The following MYBPC1 variants were observed in gnomAD, a reference collection of about 807,000 sequenced individuals.
MYBPC1 encodes myosin-binding protein C, slow-type.
A neutral mutation model predicts 147.1 loss-of-function variants in MYBPC1; 52 were observed. The ratio of observed to expected loss-of-function variants is 0.35; its 90% confidence interval spans 0.28 to 0.45. The LOEUF (loss-of-function observed/expected upper bound fraction) is 0.45. Ranked by LOEUF, MYBPC1 falls within the 20% of genes least tolerant of loss-of-function variation. The pLI is 1.00. For missense variants in MYBPC1, 1,228 were observed against 1,440.3 expected (o/e 0.85, Z 2.39); for synonymous variants, 477 against 475.9 (o/e 1.00, Z -0.03).
Position 101,614,479 on chromosome 12 carries a change from ACT to A in MYBPC1, c.26-14_26-13del, listed in dbSNP as rs1885339362. On this transcript the variant is annotated splice_polypyrimidine_tract_variant and intron_variant, in intron 1 of 31. Coordinates refer to ENST00000361466, the MANE Select transcript of MYBPC1 (RefSeq NM_002465.4). ...GATAAATGAGCCTGACATTTCCATG[ACT>A]CTTTCCATTTCTAGAAAATGAAGTG... The A allele has an allele frequency of 1.2e-6, 2 of 1,613,560 alleles. No individual in the cohort carries two copies. Among genetic ancestry groups the A allele is most frequent in the South Asian group, 2.2e-5 (2 of 91,026 alleles).
rs755207584 is a variant in MYBPC1 at position 101,610,517 on chromosome 12, C to T, written c.26-3979C>T. On this transcript the variant is annotated intron_variant, in intron 1 of 31. Transcript: ENST00000361466. ...GTGGAGGAAGACATAAGTGTCTTTT[C>T]GTAGGTGTGTCCGAGTAAAAATGAT... 1.6e-3 allele frequency among the ~76,000 whole-genome samples: 243 copies of T among 148,672 alleles called. 1 individual carries two copies. The highest frequency in any genetic ancestry group is 4.0e-3 in the South Asian group (19 of 4,752).
At chr12:101,643,813 G>A (rs189036940) in intron 11 of MYBPC1, among the ~76,000 whole-genome samples, 1 of 152,136 alleles carries the variant, frequency 6.6e-6, no homozygotes, top group Admixed American at 6.5e-5. Flanking sequence ...GTATGTGCAA[G>A]GGGTGTTTTT....
chr12:101,681,575 TATATATATATATATA>T (rs1950965236), intron 29 of MYBPC1, among the ~76,000 whole-genome samples: 2 of 25,986 alleles, frequency 7.7e-5, no homozygotes, highest in Non-Finnish European at 8.1e-5. Context: ...TATATATATA[TATATATATATATATA>T]TATTTTTTTT....
At chr12:101,629,006 C>G (rs958031494) in intron 5 of MYBPC1, 18 of 252,086 alleles carry the variant, frequency 7.1e-5, no homozygotes, top group Non-Finnish European at 1.3e-4. Flanking sequence ...TCCAAATGAC[C>G]TATCCGTTTA....
At chr12:101,668,330 G>A (rs1230906788) in intron 23 of MYBPC1, among the ~76,000 whole-genome samples, 4 of 152,132 alleles carry the variant, frequency 2.6e-5, no homozygotes, top group Admixed American at 6.5e-5. Context: ...GTATAAAAAT[G>A]AAGGTGAGTA....
At chr12:101,649,705 T>C (rs1894003172) in intron 15 of MYBPC1, among the ~76,000 whole-genome samples, 1 of 152,164 alleles carries the variant, frequency 6.6e-6, no homozygotes. Flanking sequence ...AGGGGATAAA[T>C]ACTTAGATAC....
chr12:101,653,125 G>T lies in MYBPC1; in HGVS notation c.1644G>T (p.Lys548Asn). 10 of 1,613,916 alleles carry T rather than the reference G, an allele frequency of 6.2e-6. No individual in the cohort carries two copies. The highest frequency in any genetic ancestry group is 8.5e-6 in the Non-Finnish European group (10 of 1,179,932). ...TGCTTAATATTCTAGATCCTCCTAA[G>T]ATCATCCTGGATGGTCTTGATGCTG... ...PAKVHVIDPP[K>N]IILDGLDADN... The change falls in exon 18 of 32, where the codon AAG becomes AAT. Residue 548 changes from lysine to asparagine, a missense_variant. Lys to Asn is a moderately conservative substitution (Grantham distance 94). Coordinates refer to ENST00000361466, the MANE Select transcript of MYBPC1 (RefSeq NM_002465.4).
At chr12:101,678,489 T>C (rs1900583541) in intron 28 of MYBPC1, among the ~76,000 whole-genome samples, 1 of 152,172 alleles carries the variant, frequency 6.6e-6, no homozygotes. Flanking sequence ...ACATCTCCTG[T>C]GTAAGGAGAT....
chr12:101,652,551 T>TCTCTCTCTCC, intron 16 of MYBPC1, 127 bp from the exon 17 acceptor site: 1 of 699,644 alleles, frequency 1.4e-6, no homozygotes. Context: ...TCTCTTTCTC[T>TCTCTCTCTCC]CTCTCTCTCC....
downstream of MYBPC1, among the ~76,000 whole-genome samples, chr12:101,686,423 G>A (rs116204256): frequency 2.0e-3 from 307 of 152,312 alleles, 3 homozygotes; most frequent in African/African-American, 7.1e-3. Flanking sequence ...ACAGAGGGCT[G>A]TTACAGACAA....
chr12:101,601,265 A>G (rs1284453318), intron 1 of MYBPC1, among the ~76,000 whole-genome samples: 3 of 152,198 alleles, frequency 2.0e-5, no homozygotes, highest in African/African-American at 7.2e-5. Flanking sequence ...CAGCCCCCCC[A>G]AAGTCAAAGT....
At chr12:101,669,628 A>G (rs1898136326) in intron 23 of MYBPC1, among the ~76,000 whole-genome samples, 1 of 152,070 alleles carries the variant, frequency 6.6e-6, no homozygotes, top group Non-Finnish European at 1.5e-5. Flanking sequence ...TTGCAAATAT[A>G]CTCACTGTTA....
intron 14 of MYBPC1, among the ~76,000 whole-genome samples, chr12:101,648,528 T>C (rs1230169542): frequency 6.6e-6 from 1 of 152,260 alleles, no homozygotes; most frequent in African/African-American, 2.4e-5. Flanking sequence ...TTAGTAAGTT[T>C]AGTAAGACTT....
chr12:101,659,997 G>T, intron 19 of MYBPC1, 166 bp downstream of exon 19: 1 of 903,582 alleles, frequency 1.1e-6, no homozygotes, highest in South Asian at 1.5e-5. Flanking sequence ...AAGAGCTAAG[G>T]TCAGCCATTT....
chr12:101,670,243 T>C (rs376371889), intron 23 of MYBPC1, 78 bp from the exon 24 acceptor site: 2 of 1,096,344 alleles, frequency 1.8e-6, no homozygotes, highest in Admixed American at 3.4e-5. Context: ...CTGGTGAGCA[T>C]CATGCCATTT....
chr12:101,668,833 T>C (rs1897994892), intron 23 of MYBPC1, among the ~76,000 whole-genome samples: 1 of 152,146 alleles, frequency 6.6e-6, no homozygotes, highest in African/African-American at 2.4e-5. Flanking sequence ...ATGCCTGTAA[T>C]TCCAGTATTT....
At chr12:101,629,349 G>T in intron 5 of MYBPC1, 85 bp from the exon 6 acceptor site, 1 of 893,718 alleles carries the variant, frequency 1.1e-6, no homozygotes, top group Non-Finnish European at 1.9e-6. Flanking sequence ...AAGCTACAGC[G>T]TTGGTGAGAA....
chr12:101,628,122 G>A (rs964185472), intron 5 of MYBPC1: 7 of 343,352 alleles, frequency 2.0e-5, no homozygotes, highest in African/African-American at 4.3e-5. Context: ...CATTTTTATA[G>A]AACTTTACAT....
intron 28 of MYBPC1, among the ~76,000 whole-genome samples, chr12:101,679,143 C>T (rs1304459406): frequency 1.5e-5 from 2 of 133,746 alleles, no homozygotes; most frequent in South Asian, 2.7e-4. Context: ...AAGAAGACTC[C>T]GTCTCAAAAA....
Sources: allele counts gnomAD v4.1 joint callset (sites outside exome capture counted in the v4.1 genomes callset), GRCh38; gene constraint gnomAD v4.1.1; transcripts MANE v1.5; gene names NCBI Gene and HGNC (gene_info 2026-07-23, HGNC 2026-07-21).